The following SARDH variants were observed in gnomAD, a reference collection of about 807,000 sequenced individuals.
SARDH encodes sarcosine dehydrogenase, mitochondrial.
SARDH carries 95 observed loss-of-function variants against 109.1 expected under a neutral mutation model. The observed-to-expected ratio is 0.87, with a 90% CI of 0.74 to 1.03. SARDH has a LOEUF of 1.03. Among genes scored for constraint, SARDH ranks in the 50% least tolerant of loss-of-function variants. SARDH has a pLI of 0.00. For missense variants in SARDH, 1,267 were observed against 1,287.8 expected (o/e 0.98, Z 0.25); for synonymous variants, 572 against 534.8 (o/e 1.07, Z -0.96).
chr9:133,706,843 A>G (rs966809041), intron 11 of SARDH, among the ~76,000 whole-genome samples: 1 of 152,112 alleles, frequency 6.6e-6, no homozygotes, highest in Non-Finnish European at 1.5e-5. Context: ...CTGTCCCAAC[A>G]GCACTTGCCC....
chr9:133,661,344 A>C (rs548884954), downstream of SARDH, among the ~76,000 whole-genome samples: 53 of 150,908 alleles, frequency 3.5e-4, no homozygotes, highest in South Asian at 1.9e-3. Flanking sequence ...TGTCTCAAAA[A>C]AAAAACAACA....
chr9:133,723,694 C>A (rs1157683122), intron 6 of SARDH, among the ~76,000 whole-genome samples: 2 of 152,154 alleles, frequency 1.3e-5, no homozygotes, highest in Admixed American at 6.5e-5. Flanking sequence ...ACCCAGGAGG[C>A]AGAGCTTGCA....
intron 11 of SARDH, among the ~76,000 whole-genome samples, chr9:133,707,358 G>A (rs1485350551): frequency 1.3e-5 from 2 of 152,114 alleles, no homozygotes; most frequent in East Asian, 1.9e-4. Context: ...AGGCCCGGGG[G>A]CATGCTAGGG....
Position 133,728,163 on chromosome 9 carries a change from C to T in SARDH, c.915+1602G>A, listed in dbSNP as rs1832557813. Among the ~76,000 whole-genome samples the T allele has an allele frequency of 6.6e-6, 1 of 152,214 alleles. No individual in the cohort carries two copies. Among genetic ancestry groups the T allele is most frequent in the Admixed American group, 6.5e-5 (1 of 15,290 alleles). ...TGCAGTGAGAGGCTCATTCTATGAA[C>T]AAGAGGTCTTGTGTCCAGTGGGGCG... On this transcript the variant is annotated intron_variant, in intron 6 of 20. Transcript: ENST00000439388. This position sits in a 1 kb window ranked among gnomAD's most constrained non-coding sequence, Gnocchi z 5.0.
intron 16 of SARDH, 70 bp downstream of exon 16, chr9:133,690,310 A>G (rs557914075): frequency 5.1e-6 from 8 of 1,563,990 alleles, no homozygotes; most frequent in African/African-American, 1.3e-5. Context: ...TGTTCTGCCC[A>G]AGGGCCTGTT....
chr9:133,677,408 G>A (rs1172337984), intron 17 of SARDH, among the ~76,000 whole-genome samples: 2 of 152,172 alleles, frequency 1.3e-5, no homozygotes, highest in African/African-American at 2.4e-5. Flanking sequence ...CCTCACCTGG[G>A]TGCAGCTTGA....
At chr9:133,703,518 TGGC>T in intron 12 of SARDH, 1 of 160,754 alleles carries the variant, frequency 6.2e-6, no homozygotes, top group South Asian at 1.8e-4. Context: ...GACCTGGCAG[TGGC>T]ACGAAGCCAG....
chr9:133,694,669 C>A (rs192155605), intron 14 of SARDH, among the ~76,000 whole-genome samples: 16 of 152,368 alleles, frequency 1.1e-4, no homozygotes, highest in Admixed American at 2.6e-4. Context: ...CACCCATCCA[C>A]CACCATGCTG....
At chr9:133,719,191 CG>C (rs929664570) in intron 6 of SARDH, 149 bp from the exon 7 acceptor site, 4 of 635,780 alleles carry the variant, frequency 6.3e-6, no homozygotes, top group African/African-American at 5.5e-5. Context: ...AGAGTGGACA[CG>C]GGGCCTCAAG....
chr9:133,734,118 G>T lies in SARDH; in HGVS notation c.56C>A (p.Pro19His). The part of the protein sequence containing the change: ...RVAAAHPRQS[P>H]TRGMGPCNLS... ...GTTGCATGGCCCCATGCCCCGGGTA[G>T]GGCTCTGGCGAGGGTGGGCAGCAGC... Residue 19 changes from proline (P) to histidine (H), a missense_variant, in exon 2 of 21, where the codon CCT (proline) becomes CAT (histidine). Pro to His is a moderately conservative substitution (Grantham distance 77). Transcript: ENST00000439388. 1 of 1,611,136 alleles carries T rather than the reference G, an allele frequency of 6.2e-7. No homozygotes were observed.
At position 133,738,298 on chromosome 9, in the gene SARDH, C is replaced by G. The variant is rs966283143; in HGVS notation, c.-75G>C. On this transcript the variant is annotated 5_prime_UTR_variant, in exon 1 of 21. Transcript: ENST00000439388. ...CCCTCGGCCCTAAGAGTGCTTGGCC[C>G]AGCAGAGGTGCCTTCACCTTCTTGC... is the stretch of plus-strand genomic sequence containing the variant. The G allele has an allele frequency of 6.6e-6, 1 of 152,288 alleles. No individual in the cohort carries two copies. The highest frequency in any genetic ancestry group is 1.5e-5 in the Non-Finnish European group (1 of 68,072). The allele number at this position is 152,288 out of a possible 1,614,324, so 9.4% of individuals were successfully genotyped here. A position where few individuals can be genotyped will look rare whatever the true frequency, so the allele number is the denominator to read the frequency against.
chr9:133,717,311 G>A lies in SARDH; in HGVS notation c.1150+15C>T, dbSNP rs773325696. ...ACCCATGGACGCCCACCCCAGCTCC[G>A]AGGCTGTCACTCACCAGGGCCGCAG... On this transcript the variant is annotated intron_variant, in intron 8 of 20. Coordinates refer to ENST00000439388, the MANE Select transcript of SARDH (RefSeq NM_001134707.2). The A allele has an allele frequency of 9.3e-6, 15 of 1,613,612 alleles. No individual in the cohort carries two copies. Among genetic ancestry groups the A allele is most frequent in the African/African-American group, 1.3e-5 (1 of 74,910 alleles).
chr9:133,705,116 C>A (rs1021841752), intron 11 of SARDH, 85 bp from the exon 12 acceptor site: 1 of 1,365,892 alleles, frequency 7.3e-7, no homozygotes. Flanking sequence ...CCACTTTACA[C>A]CCAAGGGTGC....
rs371976815 is a variant in SARDH, at chr9:133,709,799, C to T, written c.1329-1371G>A. ...ATGGGACCCAAGATTAACTCTTTCA[C>T]GCAGGGGGAAACTGAGGCTCGGAAG... On this transcript the variant is annotated intron_variant, in intron 10 of 20. Coordinates refer to ENST00000439388, the MANE Select transcript of SARDH (RefSeq NM_001134707.2). This position sits in a 1 kb window ranked among gnomAD's most constrained non-coding sequence, Gnocchi z 4.2. Among the ~76,000 whole-genome samples the T allele has an allele frequency of 1.3e-5, 2 of 152,140 alleles. No individual in the cohort carries two copies. The highest frequency in any genetic ancestry group is 4.8e-5 in the African/African-American group (2 of 41,430).
In SARDH at chr9:133,668,070, TCAGGCTG is replaced by T. The variant is rs200252633; in HGVS notation, c.2496-1207_2496-1201del. ...TCCGAGGCCCTCCTAAACCCAGACA[TCAGGCTG>T]CAGGTACTTCATGGAGGGCCAGAAG... On this transcript the variant is annotated intron_variant, in intron 19 of 20. Transcript: ENST00000439388. Among the ~76,000 whole-genome samples, 444 of 152,052 alleles carry T rather than the reference TCAGGCTG, an allele frequency of 2.9e-3. 2 individuals are homozygous for T. Among genetic ancestry groups the T allele is most frequent in the African/African-American group, 0.01 (418 of 41,444 alleles).
chr9:133,666,823 A>G lies in SARDH; in HGVS notation c.2543T>C (p.Val848Ala). 6.2e-7 allele frequency: 1 copy of G among 1,610,232 alleles called. No individual in the cohort carries two copies. The highest frequency in any genetic ancestry group is 8.5e-7 in the Non-Finnish European group (1 of 1,178,532). ...GTCAGCCCTCCGGACATGGCCCACC[A>G]CTTGGCCGTTCCTCCAGATGGCCTC... ...GLEAIWRNGQVVGHVRRADFG... is the reference protein window; with the variant it reads ...GLEAIWRNGQAVGHVRRADFG... Residue 848 changes from valine to alanine, a missense_variant, in exon 20 of 21, where the codon GTG becomes GCG. Coordinates refer to ENST00000439388, the MANE Select transcript of SARDH (RefSeq NM_001134707.2). The surrounding 1 kb of genome is among the most constrained non-coding windows in gnomAD (Gnocchi z 5.2).
At chr9:133,719,278 A>G (rs765358329) in intron 6 of SARDH, among the ~76,000 whole-genome samples, 18 of 152,180 alleles carry the variant, frequency 1.2e-4, no homozygotes, top group Non-Finnish European at 2.5e-4. Flanking sequence ...CAAAAGGGGA[A>G]GAAGGAAGAA....
rs200950141 is a variant in SARDH at position 133,704,998 on chromosome 9, G to A, written c.1504C>T (p.Arg502Trp). 25 of 1,591,418 alleles carry A rather than the reference G, an allele frequency of 1.6e-5. No homozygotes were observed. In the Admixed American group the frequency reaches 2.0e-4, roughly 13 times the overall value. The change falls in exon 12 of 21, where the codon CGG (arginine) becomes TGG (tryptophan). Residue 502 changes from arginine to tryptophan, a missense_variant. Transcript: ENST00000439388. This position sits in a 1 kb window ranked among gnomAD's most constrained non-coding sequence, Gnocchi z 4.5. The part of the protein sequence containing the change: ...LLGQGCVFQE[R>W]HGWERPGWFH... ...CATCCCGGTCGCTCCCAGCCATGCC[G>A]CTCCTGGAACACGCAGCCTTGTCCA...
At chr9:133,683,813 C>G (rs974069089) in intron 17 of SARDH, among the ~76,000 whole-genome samples, 13 of 152,350 alleles carry the variant, frequency 8.5e-5, no homozygotes, top group Admixed American at 3.3e-4. Flanking sequence ...CCCAACCTTC[C>G]TTAGCATTTC....
Sources: allele counts gnomAD v4.1 joint callset (sites outside exome capture counted in the v4.1 genomes callset), GRCh38; gene constraint gnomAD v4.1.1; non-coding constraint Gnocchi (gnomAD v3.1); transcripts MANE v1.5; gene names NCBI Gene and HGNC (gene_info 2026-07-23, HGNC 2026-07-21).